The following MPP4 variants were observed in gnomAD, a reference collection of about 807,000 sequenced individuals.
The protein encoded by MPP4 is MAGUK p55 scaffold protein 4.
In MPP4, 91 loss-of-function variants were observed where a neutral mutation model predicts 98.3. That is an observed-to-expected ratio of 0.93 (90% CI 0.78 to 1.10). MPP4 has a LOEUF of 1.10. Ranked by LOEUF, MPP4 falls within the 50% of genes least tolerant of loss-of-function variation. The probability of loss-of-function intolerance (pLI) is 0.00; values close to 1 mark genes in which losing one functional copy is unlikely to be tolerated. For missense variants in MPP4, 744 were observed against 792.9 expected (o/e 0.94, Z 0.74); for synonymous variants, 261 against 271.8 (o/e 0.96, Z 0.39).
At position 201,649,558 on chromosome 2, in the gene MPP4, A is replaced by G. The variant is rs1687658846; in HGVS notation, c.1584+18T>C. ...GCATTCATTGTTTGGGGACATAAAT[A>G]TTCCACCATGGACCCACCTGAGGCT... On this transcript the variant is annotated intron_variant, in intron 20 of 21. Coordinates refer to ENST00000409474, the MANE Select transcript of MPP4 (RefSeq NM_033066.3). 1.9e-6 allele frequency: 3 copies of G among 1,561,608 alleles called. No individual in the cohort carries two copies. The highest frequency in any genetic ancestry group is 1.7e-6 in the Non-Finnish European group (2 of 1,146,118).
intron 10 of MPP4, among the ~76,000 whole-genome samples, chr2:201,679,778 T>C (rs1054080265): frequency 3.9e-5 from 6 of 152,236 alleles, no homozygotes; most frequent in Admixed American, 2.0e-4. Flanking sequence ...CTCTGGCTAT[T>C]TCTCCATCAT....
chr2:201,693,267 T>C (rs1421575395), intron 2 of MPP4, among the ~76,000 whole-genome samples: 1 of 152,196 alleles, frequency 6.6e-6, no homozygotes, highest in Non-Finnish European at 1.5e-5. Context: ...AGCTTTGTCA[T>C]AGTGTTGTTC....
chr2:201,656,746 G>C (rs1687857900), intron 16 of MPP4, among the ~76,000 whole-genome samples: 1 of 152,202 alleles, frequency 6.6e-6, no homozygotes, highest in South Asian at 2.1e-4. Flanking sequence ...TAGATAGGCA[G>C]TAAGGTTGGA....
chr2:201,682,972 G>T, intron 7 of MPP4, 56 bp from the exon 8 acceptor site: 1 of 1,372,640 alleles, frequency 7.3e-7, no homozygotes, highest in Non-Finnish European at 1.0e-6. Context: ...GATAAAAATA[G>T]CAGTAGCTAC....
Position 201,690,202 on chromosome 2 carries a change from C to A in MPP4, c.279G>T (p.Glu93Asp), listed in dbSNP as rs765946151. The change falls in exon 4 of 22, where the codon GAG becomes GAT. Residue 93 changes from glutamate to aspartate, a missense_variant and splice_region_variant. Glu to Asp is a conservative substitution (Grantham distance 45, BLOSUM62 2). Coordinates refer to ENST00000409474, the MANE Select transcript of MPP4 (RefSeq NM_033066.3). ...ATPHAQVLSY[E>D]VVELLRETPT... Reference sequence around the variant, plus strand: ...ATCCTGTGGAATAAAATCTCCTTACCTCATAGGATAACACCTGTGCATGTG... The same window carrying A: ...ATCCTGTGGAATAAAATCTCCTTACATCATAGGATAACACCTGTGCATGTG... 1 of 1,602,788 alleles carries A rather than the reference C, an allele frequency of 6.2e-7. No homozygotes were observed. The highest frequency in any genetic ancestry group is 1.1e-5 in the South Asian group (1 of 88,962).
At chr2:201,657,539 C>A (rs1018209942) in intron 16 of MPP4, among the ~76,000 whole-genome samples, 3 of 149,174 alleles carry the variant, frequency 2.0e-5, no homozygotes, top group Non-Finnish European at 3.0e-5. Context: ...TCTAGACTTC[C>A]CCTTTCCATG....
intron 3 of MPP4, among the ~76,000 whole-genome samples, chr2:201,690,661 C>T (rs950144555): frequency 6.6e-6 from 1 of 152,146 alleles, no homozygotes; most frequent in Non-Finnish European, 1.5e-5. Context: ...TAGGACCAGA[C>T]ACCTGTGAGG....
At chr2:201,679,967 C>G (rs1197925065) in intron 10 of MPP4, 6 of 152,320 alleles carry the variant, frequency 3.9e-5, no homozygotes, top group Middle Eastern at 6.8e-3. Flanking sequence ...GCCTTCCCAG[C>G]AGAAGGTGAT....
At chr2:201,660,298 C>T (rs749859786) in intron 15 of MPP4, 34 bp downstream of exon 15, 5 of 1,574,614 alleles carry the variant, frequency 3.2e-6, no homozygotes, top group Non-Finnish European at 4.4e-6. Context: ...AAACATAGTT[C>T]TATTTGGTAT....
At chr2:201,694,608 CTTTTTTTTTT>C (rs777556505) in intron 1 of MPP4, among the ~76,000 whole-genome samples, 4 of 78,902 alleles carry the variant, frequency 5.1e-5, no homozygotes, top group Admixed American at 2.0e-4. Flanking sequence ...TTCTTTTTCC[CTTTTTTTTTT>C]TTTTTTTTTT....
At chr2:201,656,440 A>G (rs767168148) in intron 16 of MPP4, 72 bp from the exon 17 acceptor site, 98 of 1,364,870 alleles carry the variant, frequency 7.2e-5, no homozygotes, top group Non-Finnish European at 9.5e-5. Context: ...ACCTGATGAA[A>G]TATGTAGCAA....
Position 201,681,033 on chromosome 2 carries a change from A to G in MPP4, c.734T>C (p.Val245Ala). 1 of 1,607,482 alleles carries G rather than the reference A, an allele frequency of 6.2e-7. No individual in the cohort carries two copies. Among genetic ancestry groups the G allele is most frequent in the Non-Finnish European group, 8.5e-7 (1 of 1,174,628 alleles). The change falls in exon 10 of 22, where the codon GTG becomes GCG. Residue 245 changes from valine (V) to alanine (A), a missense_variant and splice_region_variant. By Grantham distance (64) the Val-to-Ala change is moderately conservative (BLOSUM62 0). Transcript: ENST00000409474. Reference protein sequence around the residue: ...SDPPVNSQQMVYVRAMTEYWP... With the variant: ...SDPPVNSQQMAYVRAMTEYWP... ...GTACTCAGTCATGGCACGGACGTAC[A>G]CCTGATGGCAGGTGCATAATGACGC...
At chr2:201,682,940 A>G in intron 7 of MPP4, 24 bp from the exon 8 acceptor site, 1 of 1,588,556 alleles carries the variant, frequency 6.3e-7, no homozygotes, top group South Asian at 1.1e-5. Flanking sequence ...AACAAAAAAC[A>G]AAGAAAGATA....
intron 12 of MPP4, among the ~76,000 whole-genome samples, chr2:201,668,397 C>G (rs1688241850): frequency 6.6e-6 from 1 of 152,030 alleles, no homozygotes; most frequent in Non-Finnish European, 1.5e-5. Flanking sequence ...TTTGATAGAA[C>G]TGGTGGCCTT....
At position 201,658,590 on chromosome 2, in the gene MPP4, C is replaced by G. The variant is rs146171129; in HGVS notation, c.1088-72G>C. On this transcript the variant is annotated intron_variant, in intron 15 of 21. Transcript: ENST00000409474. ...TTTATTCAGAATAAATTCATGAAAT[C>G]ATTTTCAACTTTTCAAGTGACCACC... The G allele has an allele frequency of 2.4e-4, 351 of 1,434,806 alleles. 1 individual carries two copies. The East Asian group carries it at 7.8e-3, about 32-fold the overall frequency. 88.9% of individuals were successfully genotyped at this position (1,434,806 alleles called of 1,614,324 possible). A position where few individuals can be genotyped will look rare whatever the true frequency, so the allele number is the denominator to read the frequency against.
At chr2:201,672,256 A>G (rs1009701952) in intron 11 of MPP4, among the ~76,000 whole-genome samples, 13 of 152,172 alleles carry the variant, frequency 8.5e-5, no homozygotes, top group African/African-American at 3.1e-4. Flanking sequence ...AGTGTTTAGA[A>G]GGAAATTTAG....
chr2:201,695,860 C>T (rs1021837526), intron 1 of MPP4, among the ~76,000 whole-genome samples: 6 of 151,908 alleles, frequency 3.9e-5, no homozygotes, highest in East Asian at 1.9e-4. Flanking sequence ...AAGGGGTATG[C>T]GGTGGGGGTA....
intron 14 of MPP4, among the ~76,000 whole-genome samples, chr2:201,661,218 G>GA (rs1454602253): frequency 8.5e-6 from 1 of 117,894 alleles, no homozygotes; most frequent in African/African-American, 2.7e-5. Flanking sequence ...ACCATATCCA[G>GA]CCTTTTTTTT....
intron 11 of MPP4, among the ~76,000 whole-genome samples, chr2:201,674,369 C>T (rs6711866): frequency 0.35 from 53,767 of 152,036 alleles, 10,020 homozygotes; most frequent in Non-Finnish European, 0.42. Context: ...GGAATGTCAA[C>T]GGTAGGACTT....
Sources: allele counts gnomAD v4.1 joint callset (sites outside exome capture counted in the v4.1 genomes callset), GRCh38; gene constraint gnomAD v4.1.1; transcripts MANE v1.5; gene names NCBI Gene and HGNC (gene_info 2026-07-23, HGNC 2026-07-21).